The following CCDC178 variants were observed in gnomAD, a reference collection of about 807,000 sequenced individuals.
The protein encoded by CCDC178 is coiled-coil domain-containing protein 178.
Under a neutral mutation model 117.4 loss-of-function variants are expected in CCDC178, and 126 were observed. The ratio of observed to expected loss-of-function variants is 1.07; its 90% CI spans 0.93 to 1.24. The LOEUF is 1.24. Among genes scored for constraint, CCDC178 ranks in the 50% most tolerant of loss-of-function variants. The pLI is 0.00. For synonymous variants in CCDC178, 283 were observed against 313.4 expected (o/e 0.90, Z 1.02); for missense variants, 1,030 against 986.9 (o/e 1.04, Z -0.59).
At chr18:33,351,448 C>G (rs1599206091) in intron 7 of CCDC178, among the ~76,000 whole-genome samples, 4 of 152,286 alleles carry the variant, frequency 2.6e-5, no homozygotes, top group Admixed American at 2.6e-4. Flanking sequence ...CAGCCTTGGC[C>G]TCCCAAAGTG....
chr18:33,250,879 T>G (rs560012366), intron 14 of CCDC178, among the ~76,000 whole-genome samples: 1 of 151,556 alleles, frequency 6.6e-6, no homozygotes, highest in African/African-American at 2.4e-5. Context: ...TCAGAACTCT[T>G]AAGAAAAGAA....
chr18:32,940,230 C>A (rs1470584689), intron 22 of CCDC178, among the ~76,000 whole-genome samples: 2 of 151,560 alleles, frequency 1.3e-5, no homozygotes, highest in Admixed American at 6.6e-5. Flanking sequence ...AGAAGAAGCC[C>A]CTTTTGAATT....
intron 21 of CCDC178, among the ~76,000 whole-genome samples, chr18:33,037,050 T>C (rs2056457735): frequency 6.6e-6 from 1 of 151,774 alleles, no homozygotes; most frequent in Admixed American, 6.6e-5. Context: ...GAGAGAACAG[T>C]TCTTCAGGAA....
intron 22 of CCDC178, among the ~76,000 whole-genome samples, chr18:32,952,754 G>A (rs2054515234): frequency 6.6e-6 from 1 of 151,696 alleles, no homozygotes; most frequent in Non-Finnish European, 1.5e-5. Context: ...CACATTGTCA[G>A]GCTGCAAATT....
chr18:33,116,204 C>T (rs1279224518), intron 20 of CCDC178, among the ~76,000 whole-genome samples: 2 of 152,034 alleles, frequency 1.3e-5, no homozygotes, highest in Admixed American at 1.3e-4. Context: ...AAGCTACCAC[C>T]AGGGAAATTT....
chr18:33,221,197 C>T (rs192545111), intron 18 of CCDC178, among the ~76,000 whole-genome samples: 2 of 152,166 alleles, frequency 1.3e-5, no homozygotes, highest in African/African-American at 2.4e-5. Flanking sequence ...CCTAACAGAC[C>T]TAGTAGGCAC....
chr18:33,084,639 C>T (rs143965767), intron 21 of CCDC178, among the ~76,000 whole-genome samples: 124 of 151,724 alleles, frequency 8.2e-4, no homozygotes, highest in African/African-American at 2.8e-3. Flanking sequence ...ACTGAAACCC[C>T]GTCTCTATTA....
chr18:33,433,016 T>C (rs1442283112), intron 2 of CCDC178, among the ~76,000 whole-genome samples: 1 of 152,222 alleles, frequency 6.6e-6, no homozygotes, highest in Non-Finnish European at 1.5e-5. Flanking sequence ...TTAACATTAG[T>C]TTAGAAATTT....
chr18:33,009,178 C>T (rs1196382261), intron 21 of CCDC178, among the ~76,000 whole-genome samples: 1 of 152,014 alleles, frequency 6.6e-6, no homozygotes, highest in Non-Finnish European at 1.5e-5. Flanking sequence ...TGATCCAAGC[C>T]ATCAAAATCT....
intron 20 of CCDC178, among the ~76,000 whole-genome samples, chr18:33,108,509 A>G (rs1006930154): frequency 7.9e-5 from 12 of 151,646 alleles, no homozygotes; most frequent in Non-Finnish European, 1.3e-4. Flanking sequence ...GACTATGCTA[A>G]GATTTCCTAA....
At chr18:33,072,183 G>A (rs2057120900) in intron 21 of CCDC178, among the ~76,000 whole-genome samples, 1 of 151,932 alleles carries the variant, frequency 6.6e-6, no homozygotes, top group South Asian at 2.1e-4. Flanking sequence ...GTCTTTTTGT[G>A]TTTTTCAGAT....
intron 5 of CCDC178, among the ~76,000 whole-genome samples, chr18:33,380,444 T>C (rs1360906709): frequency 1.3e-5 from 2 of 152,202 alleles, no homozygotes; most frequent in Non-Finnish European, 2.9e-5. Context: ...CTGCTCTCAG[T>C]GCTGAGTCTA....
chr18:33,116,002 A>T (rs2057851957), intron 20 of CCDC178, among the ~76,000 whole-genome samples: 1 of 152,146 alleles, frequency 6.6e-6, no homozygotes, highest in African/African-American at 2.4e-5. Flanking sequence ...TAAAATAAAA[A>T]ATATTACCAC....
chr18:33,416,284 G>A (rs945947705), intron 2 of CCDC178, among the ~76,000 whole-genome samples: 60 of 152,068 alleles, frequency 3.9e-4, no homozygotes, highest in African/African-American at 1.4e-3. Flanking sequence ...AAAATTAGCC[G>A]GGCGTGGTGG....
intron 9 of CCDC178, among the ~76,000 whole-genome samples, chr18:33,344,098 A>C (rs7233884): frequency 0.43 from 64,656 of 149,964 alleles, 15,283 homozygotes; most frequent in African/African-American, 0.64. Context: ...AGGTCAGGAG[A>C]TCGAGACCAT....
chr18:33,041,505 G>A (rs1233281362), intron 21 of CCDC178, among the ~76,000 whole-genome samples: 1 of 150,242 alleles, frequency 6.7e-6, no homozygotes, highest in Non-Finnish European at 1.5e-5. Flanking sequence ...GTCTATTTTA[G>A]GATTTCAAAA....
At chr18:33,343,727 A>G (rs2062847125) in intron 9 of CCDC178, among the ~76,000 whole-genome samples, 1 of 152,212 alleles carries the variant, frequency 6.6e-6, no homozygotes, top group Non-Finnish European at 1.5e-5. Context: ...ACCAGAAAAT[A>G]TCTAGAAAGA....
At chr18:33,315,115 GTT>G (rs1464479928) in intron 11 of CCDC178, among the ~76,000 whole-genome samples, 3 of 152,082 alleles carry the variant, frequency 2.0e-5, no homozygotes. Flanking sequence ...CCTACCATGA[GTT>G]TACCCTCTGC....
At chr18:33,007,221 C>T (rs921184690) in intron 21 of CCDC178, among the ~76,000 whole-genome samples, 12 of 151,992 alleles carry the variant, frequency 7.9e-5, no homozygotes, top group East Asian at 5.8e-4. Context: ...TCATTTTCTA[C>T]GCAACAACAA....
Sources: allele counts gnomAD v4.1 joint callset (sites outside exome capture counted in the v4.1 genomes callset), GRCh38; gene constraint gnomAD v4.1.1; transcripts MANE v1.5; gene names NCBI Gene and HGNC (gene_info 2026-07-23, HGNC 2026-07-21).